Variants in MSI2 observed in about 807,000 individuals in gnomAD.
MSI2 encodes RNA-binding protein Musashi homolog 2.
In MSI2, 17 loss-of-function variants were observed where a neutral mutation model predicts 45.6. The observed-to-expected ratio is 0.37, with a 90% CI of 0.26 to 0.56. The LOEUF is 0.56. Ranked by LOEUF, MSI2 falls within the 20% of genes least tolerant of loss-of-function variation. MSI2 has a pLI of 0.77. For missense variants in MSI2, 293 were observed against 444.2 expected, an observed-to-expected ratio of 0.66 and a Z score of 3.06; for synonymous variants, 156 against 158.2, an observed-to-expected ratio of 0.99 and a Z score of 0.11.
At chr17:57,474,314 C>T (rs1044942089) in intron 6 of MSI2, among the ~76,000 whole-genome samples, 7 of 152,250 alleles carry the variant, frequency 4.6e-5, no homozygotes, top group Admixed American at 3.3e-4. Context: ...AGCTGAGTCC[C>T]GGTGAAGTCG....
chr17:57,654,864 T>C (rs16942122), intron 11 of MSI2, among the ~76,000 whole-genome samples: 3,222 of 151,672 alleles, frequency 0.021, 108 homozygotes, highest in African/African-American at 0.073. Flanking sequence ...GACATCATCC[T>C]ATGGACGGCC....
chr17:57,509,530 C>G (rs2086306054), intron 6 of MSI2, among the ~76,000 whole-genome samples: 1 of 152,214 alleles, frequency 6.6e-6, no homozygotes, highest in Admixed American at 6.5e-5. Context: ...AAGTGACTCT[C>G]CTGCCTCAGC....
chr17:57,476,096 A>G (rs2085531676), intron 6 of MSI2, among the ~76,000 whole-genome samples: 1 of 152,202 alleles, frequency 6.6e-6, no homozygotes, highest in East Asian at 1.9e-4. Context: ...TAATTGGCAC[A>G]AAAGGGCAGT....
intron 5 of MSI2, among the ~76,000 whole-genome samples, chr17:57,284,440 T>G (rs1343600016): frequency 6.6e-6 from 1 of 152,176 alleles, no homozygotes; most frequent in African/African-American, 2.4e-5. Flanking sequence ...TGTATGTGTT[T>G]TAGAGGTGTG....
At chr17:57,330,308 A>G (rs192873991) in intron 5 of MSI2, among the ~76,000 whole-genome samples, 228 of 148,798 alleles carry the variant, frequency 1.5e-3, no homozygotes, top group African/African-American at 5.0e-3. Context: ...TTTTTGAGAC[A>G]GAGTCTCACT....
intron 5 of MSI2, among the ~76,000 whole-genome samples, chr17:57,385,752 T>C (rs1248723561): frequency 3.3e-5 from 5 of 152,242 alleles, no homozygotes; most frequent in African/African-American, 1.2e-4. Context: ...ACTGACATAG[T>C]TCATCATATT....
At chr17:57,294,389 C>T (rs1015940280) in intron 5 of MSI2, among the ~76,000 whole-genome samples, 3 of 152,090 alleles carry the variant, frequency 2.0e-5, no homozygotes, top group African/African-American at 7.2e-5. Flanking sequence ...CGAGATGTGG[C>T]AAAAGCTGGC....
At chr17:57,301,553 G>T (rs1911421386) in intron 5 of MSI2, among the ~76,000 whole-genome samples, 1 of 152,176 alleles carries the variant, frequency 6.6e-6, no homozygotes, top group Non-Finnish European at 1.5e-5. Flanking sequence ...TCACATTTGG[G>T]TTTGCCTGCT....
At chr17:57,464,272 A>G (rs1325380883) in intron 6 of MSI2, among the ~76,000 whole-genome samples, 4 of 151,970 alleles carry the variant, frequency 2.6e-5, no homozygotes, top group African/African-American at 9.7e-5. Flanking sequence ...GCAAAACCCT[A>G]TCTCTACAGA....
intron 6 of MSI2, among the ~76,000 whole-genome samples, chr17:57,518,534 A>G (rs1196361448): frequency 6.6e-6 from 1 of 152,206 alleles, no homozygotes; most frequent in Non-Finnish European, 1.5e-5. Flanking sequence ...GTTCGGTCAG[A>G]GTCGTGGAGA....
chr17:57,565,817 T>C (rs1349813953), intron 7 of MSI2: 1 of 152,206 alleles, frequency 6.6e-6, no homozygotes, highest in African/African-American at 2.4e-5. Flanking sequence ...AGATGCCCCC[T>C]TCTTGCTATT....
chr17:57,610,518 A>G (rs561021527), intron 8 of MSI2, among the ~76,000 whole-genome samples: 1 of 97,664 alleles, frequency 1.0e-5, no homozygotes, highest in African/African-American at 3.2e-5. Flanking sequence ...AAAAGTAACA[A>G]AATGTTAGCA....
downstream of MSI2, among the ~76,000 whole-genome samples, chr17:57,687,529 A>T (rs993306734): frequency 3.9e-5 from 6 of 152,064 alleles, no homozygotes; most frequent in South Asian, 1.0e-3. Context: ...CTTAGCAAAT[A>T]TAAATTACCA....
At chr17:57,676,542 C>T (rs1317993755) in intron 12 of MSI2, among the ~76,000 whole-genome samples, 20 of 152,176 alleles carry the variant, frequency 1.3e-4, no homozygotes, top group African/African-American at 4.3e-4. Context: ...TCTTGAAAAC[C>T]GGGGTCTTTT....
chr17:57,435,341 A>C lies in MSI2; in HGVS notation c.405+33870A>C, dbSNP rs189121438. Among the ~76,000 whole-genome samples, 751 of 152,272 alleles carry C rather than the reference A, an allele frequency of 4.9e-3. 1 individual carries two copies. Among genetic ancestry groups the C allele is most frequent in the African/African-American group, 0.017 (722 of 41,534 alleles). ...AAGACTCAGAAGGAAGACAGGTGTG[A>C]TGGCACCTGGTGTGTTGGGGAAGAG... On this transcript the variant is annotated intron_variant, in intron 6 of 13. Coordinates refer to ENST00000284073, the MANE Select transcript of MSI2 (RefSeq NM_138962.4).
chr17:57,665,125 G>A (rs1029514212), intron 11 of MSI2, among the ~76,000 whole-genome samples: 1 of 152,198 alleles, frequency 6.6e-6, no homozygotes, highest in African/African-American at 2.4e-5. Context: ...CTGCTGTGGA[G>A]CCCACGGCTC....
chr17:57,384,053 T>C (rs935741645), intron 5 of MSI2, among the ~76,000 whole-genome samples: 3 of 152,252 alleles, frequency 2.0e-5, no homozygotes, highest in Non-Finnish European at 4.4e-5. Flanking sequence ...CTAAACATCT[T>C]TGTGATATTG....
chr17:57,510,873 G>A (rs1286388726), intron 6 of MSI2, among the ~76,000 whole-genome samples: 1 of 152,192 alleles, frequency 6.6e-6, no homozygotes. Flanking sequence ...CATAAACTGG[G>A]GTTGGGAGCA....
At chr17:57,564,076 C>T (rs1054089696) in intron 7 of MSI2, among the ~76,000 whole-genome samples, 1 of 152,220 alleles carries the variant, frequency 6.6e-6, no homozygotes, top group Non-Finnish European at 1.5e-5. Flanking sequence ...GCAGCTGATA[C>T]TGTTGTGCTC....
Sources: allele counts gnomAD v4.1 joint callset (sites outside exome capture counted in the v4.1 genomes callset), GRCh38; gene constraint gnomAD v4.1.1; transcripts MANE v1.5; gene names NCBI Gene and HGNC (gene_info 2026-07-23, HGNC 2026-07-21).